Variants in PRKN observed in about 807,000 individuals in gnomAD.
PRKN encodes the protein E3 ubiquitin-protein ligase parkin.
PRKN carries 56 observed loss-of-function variants against 59.5 expected under a neutral mutation model. The observed-to-expected ratio is 0.94, with a 90% CI of 0.76 to 1.18. The LOEUF is 1.18. Ranked by LOEUF, PRKN falls within the 50% of genes most tolerant of loss-of-function variation. The pLI is 0.00. For missense variants in PRKN, 657 were observed against 596.4 expected (o/e 1.10, Z -1.06); for synonymous variants, 250 against 222.1 (o/e 1.13, Z -1.12).
At chr6:162,470,773 T>C (rs77042446) in intron 1 of PRKN, among the ~76,000 whole-genome samples, 9,576 of 152,180 alleles carry the variant, frequency 0.063, 1,025 homozygotes, top group African/African-American at 0.22. Context: ...ATTTGTTTTT[T>C]TGAGATGGAG....
intron 9 of PRKN, among the ~76,000 whole-genome samples, chr6:161,481,492 T>C (rs1413252265): frequency 6.6e-6 from 1 of 152,018 alleles, no homozygotes; most frequent in Admixed American, 6.5e-5. Context: ...TAGTCCCAGC[T>C]ACTCCGGAGG....
At chr6:162,263,552 C>T (rs575632680) in intron 2 of PRKN, among the ~76,000 whole-genome samples, 4 of 152,260 alleles carry the variant, frequency 2.6e-5, no homozygotes, top group African/African-American at 7.2e-5. Flanking sequence ...TACATATTGA[C>T]ACGTAGGAAC....
chr6:162,040,162 A>ATC (rs1582939985), intron 5 of PRKN, among the ~76,000 whole-genome samples: 1 of 152,108 alleles, frequency 6.6e-6, no homozygotes, highest in African/African-American at 2.4e-5. Context: ...TTCCTTAGCC[A>ATC]TCTCTCTCCA....
chr6:162,560,865 A>AAAAAAAAAAAC (rs1268528404), intron 1 of PRKN, among the ~76,000 whole-genome samples: 2 of 150,928 alleles, frequency 1.3e-5, no homozygotes, highest in African/African-American at 4.9e-5. Flanking sequence ...AAAAAAAAAA[A>AAAAAAAAAAAC]AACCCAGGTC....
chr6:162,002,688 G>T (rs1782104757), intron 5 of PRKN, among the ~76,000 whole-genome samples: 1 of 150,460 alleles, frequency 6.6e-6, no homozygotes, highest in Non-Finnish European at 1.5e-5. Flanking sequence ...GATTTAATTT[G>T]CTCTTCTTTT....
At chr6:161,884,556 C>T (rs1187570472) in intron 6 of PRKN, among the ~76,000 whole-genome samples, 1 of 152,134 alleles carries the variant, frequency 6.6e-6, no homozygotes, top group Non-Finnish European at 1.5e-5. Context: ...TGATGTAGGG[C>T]TCTATTTTAA....
At chr6:162,386,558 T>A (rs1786823513) in intron 2 of PRKN, among the ~76,000 whole-genome samples, 1 of 152,198 alleles carries the variant, frequency 6.6e-6, no homozygotes, top group South Asian at 2.1e-4. Flanking sequence ...GAGCTTGGTG[T>A]TCCCTGGACT....
chr6:161,714,402 C>T (rs1055752982), intron 7 of PRKN, among the ~76,000 whole-genome samples: 6 of 152,176 alleles, frequency 3.9e-5, no homozygotes, highest in East Asian at 1.9e-4. Context: ...GGCTTTACTC[C>T]GCATTAGGCT....
At chr6:161,974,092 C>A (rs1250412024) in intron 5 of PRKN, among the ~76,000 whole-genome samples, 1 of 152,162 alleles carries the variant, frequency 6.6e-6, no homozygotes, top group African/African-American at 2.4e-5. Context: ...TGTGGCGAAA[C>A]CCCATCTCTA....
chr6:161,823,397 G>A (rs560839306), intron 6 of PRKN, among the ~76,000 whole-genome samples: 1 of 152,140 alleles, frequency 6.6e-6, no homozygotes, highest in Admixed American at 6.5e-5. Flanking sequence ...GGCAATGCGT[G>A]GGTGTGGCTA....
intron 7 of PRKN, among the ~76,000 whole-genome samples, chr6:161,634,609 C>T (rs541566628): frequency 1.3e-5 from 2 of 152,252 alleles, no homozygotes; most frequent in South Asian, 2.1e-4. Flanking sequence ...CTGGGGATCA[C>T]CTGGACACGA....
rs887079337 is a variant in PRKN at position 161,561,858 on chromosome 6, C to T, written c.933+7497G>A. Among the ~76,000 whole-genome samples the T allele has an allele frequency of 1.3e-5, 2 of 152,158 alleles. No individual in the cohort carries two copies. The highest frequency in any genetic ancestry group is 3.9e-4 in the East Asian group (2 of 5,186). ...AAACCCTCTAGAAGGAATTATCCTC[C>T]CCTTCTGTTCACTCTTCATCCCATA... On this transcript the variant is annotated intron_variant, in intron 8 of 11. Transcript: ENST00000366898. This position sits in a 1 kb window ranked among gnomAD's most constrained non-coding sequence, Gnocchi z 5.0.
intron 1 of PRKN, among the ~76,000 whole-genome samples, chr6:162,714,066 G>C (rs1778636021): frequency 6.6e-6 from 1 of 152,182 alleles, no homozygotes; most frequent in Admixed American, 6.5e-5. Flanking sequence ...CCGCCCTGCT[G>C]TGAGCAATGA....
rs567705858 is a variant in PRKN, at chr6:162,246,286, A to G, written c.412+16239T>C. 1.3e-3 allele frequency among the ~76,000 whole-genome samples: 194 copies of G among 152,218 alleles called. 1 individual carries two copies. The highest frequency in any genetic ancestry group is 4.3e-3 in the African/African-American group (178 of 41,542). ...AGAGGAAATTTACACACCAGACAAG[A>G]GGGTATGTAGAGGAAACCCCGTGAG... On this transcript the variant is annotated intron_variant, in intron 3 of 11. Coordinates refer to ENST00000366898, the MANE Select transcript of PRKN (RefSeq NM_004562.3).
At chr6:162,614,037 T>C (rs890941539) in intron 1 of PRKN, among the ~76,000 whole-genome samples, 3 of 152,190 alleles carry the variant, frequency 2.0e-5, no homozygotes, top group Non-Finnish European at 4.4e-5. Context: ...ATGACAATTA[T>C]TTAAGAATTC....
At chr6:162,480,064 C>CA (rs59112045) in intron 1 of PRKN, among the ~76,000 whole-genome samples, 3,128 of 141,582 alleles carry the variant, frequency 0.022, 94 homozygotes, top group African/African-American at 0.071. Context: ...GATTTTGTCT[C>CA]AAAAAAAAAA....
At position 161,694,951 on chromosome 6, in the gene PRKN, C is replaced by T. The variant is rs537842631; in HGVS notation, c.871+90821G>A. ...GGTGGGCATTCACTAAACTCAGATG[C>T]CCAGACCTCATCATTAATTGTCCTC... On this transcript the variant is annotated intron_variant, in intron 7 of 11. Coordinates refer to ENST00000366898, the MANE Select transcript of PRKN (RefSeq NM_004562.3). Among the ~76,000 whole-genome samples, 7 of 152,220 alleles carry T rather than the reference C, an allele frequency of 4.6e-5. No homozygotes were observed. In the South Asian group the frequency reaches 8.3e-4, roughly 18 times the overall value.
chr6:162,529,085 G>T (rs1453927964), intron 1 of PRKN, among the ~76,000 whole-genome samples: 1 of 152,062 alleles, frequency 6.6e-6, no homozygotes, highest in Non-Finnish European at 1.5e-5. Context: ...TGTTGGCCTG[G>T]CTGGTCTCGA....
intron 4 of PRKN, among the ~76,000 whole-genome samples, chr6:162,129,894 C>T (rs1375326939): frequency 6.6e-6 from 1 of 151,836 alleles, no homozygotes; most frequent in Non-Finnish European, 1.5e-5. Context: ...GAGGAAAAAA[C>T]AGCTAGATTA....
Sources: allele counts gnomAD v4.1 joint callset (sites outside exome capture counted in the v4.1 genomes callset), GRCh38; gene constraint gnomAD v4.1.1; non-coding constraint Gnocchi (gnomAD v3.1); transcripts MANE v1.5; gene names NCBI Gene and HGNC (gene_info 2026-07-23, HGNC 2026-07-21).